The following GAB1 variants were observed in gnomAD, a reference collection of about 807,000 sequenced individuals.
GAB1 encodes GRB2 associated binding protein 1, also known as GRB2-associated-binding protein 1.
GAB1 carries 19 observed loss-of-function variants against 66.5 expected under a neutral mutation model. The observed-to-expected ratio is 0.29, with a 90% CI of 0.20 to 0.42. The LOEUF (loss-of-function observed/expected upper bound fraction) is 0.42. Ranked by LOEUF, GAB1 falls within the 10% of genes least tolerant of loss-of-function variation. The probability of loss-of-function intolerance (pLI) is 1.00; values close to 1 mark genes in which losing one functional copy is unlikely to be tolerated. For synonymous variants in GAB1, 294 were observed against 301.4 expected (o/e 0.98, Z 0.25); for missense variants, 732 against 858.5 (o/e 0.85, Z 1.84).
chr4:143,370,577 C>T (rs1378231346), intron 1 of GAB1, among the ~76,000 whole-genome samples: 1 of 151,892 alleles, frequency 6.6e-6, no homozygotes, highest in Non-Finnish European at 1.5e-5. Flanking sequence ...AATTAAAGTT[C>T]TAGGGTACAT....
chr4:143,384,817 G>A (rs1730825796), intron 1 of GAB1, among the ~76,000 whole-genome samples: 1 of 152,206 alleles, frequency 6.6e-6, no homozygotes, highest in South Asian at 2.1e-4. Flanking sequence ...GCTGTCTGAT[G>A]AAATCCACAT....
At chr4:143,408,529 C>T (rs375441813) in intron 1 of GAB1, among the ~76,000 whole-genome samples, 2 of 152,044 alleles carry the variant, frequency 1.3e-5, no homozygotes, top group Admixed American at 6.6e-5. Flanking sequence ...TGTACAATTC[C>T]GCACCTTGTT....
At chr4:143,341,848 AC>A (rs1295517068) in intron 1 of GAB1, among the ~76,000 whole-genome samples, 25 of 151,950 alleles carry the variant, frequency 1.6e-4, no homozygotes, top group African/African-American at 5.8e-4. Context: ...TAAGCATGAA[AC>A]CCCTGCTCAA....
chr4:143,370,784 T>C (rs1002400834), intron 1 of GAB1, among the ~76,000 whole-genome samples: 1 of 152,130 alleles, frequency 6.6e-6, no homozygotes, highest in African/African-American at 2.4e-5. Context: ...CACCTATGAG[T>C]GAGAACATGC....
chr4:143,444,991 G>A (rs1433755232), intron 6 of GAB1, among the ~76,000 whole-genome samples: 1 of 152,146 alleles, frequency 6.6e-6, no homozygotes, highest in Non-Finnish European at 1.5e-5. Flanking sequence ...CCAGTCCACT[G>A]TTGATGGGCA....
chr4:143,373,538 C>A (rs1348256924), intron 1 of GAB1, among the ~76,000 whole-genome samples: 1 of 152,042 alleles, frequency 6.6e-6, no homozygotes, highest in African/African-American at 2.4e-5. Context: ...TAACAAAAAA[C>A]ATACTAGAAG....
intron 2 of GAB1, among the ~76,000 whole-genome samples, chr4:143,427,728 G>A (rs1435262219): frequency 6.6e-6 from 1 of 152,176 alleles, no homozygotes; most frequent in East Asian, 1.9e-4. Flanking sequence ...TATCAGCAAA[G>A]GGAGGACAGA....
intron 1 of GAB1, among the ~76,000 whole-genome samples, chr4:143,370,926 A>G (rs893983346): frequency 5.9e-5 from 9 of 152,060 alleles, no homozygotes; most frequent in African/African-American, 2.2e-4. Context: ...TATGTGCCAC[A>G]TTTTCTTAAT....
chr4:143,446,935 G>T (rs1295497209), intron 6 of GAB1, among the ~76,000 whole-genome samples: 1 of 151,372 alleles, frequency 6.6e-6, no homozygotes, highest in Admixed American at 6.6e-5. Context: ...TAGGTCTAAC[G>T]TTTAAGTCTT....
intron 1 of GAB1, chr4:143,394,773 A>G (rs555974187): frequency 1.3e-5 from 2 of 152,282 alleles, no homozygotes; most frequent in African/African-American, 4.8e-5. Flanking sequence ...AAAAAATTTA[A>G]TGAAGTGTAA....
chr4:143,422,536 C>CT (rs778770083), intron 2 of GAB1, among the ~76,000 whole-genome samples: 49 of 152,070 alleles, frequency 3.2e-4, no homozygotes, highest in Non-Finnish European at 6.9e-4. Flanking sequence ...GAATTGTTTC[C>CT]TAGGGCTTCA....
chr4:143,436,628 C>T (rs1733956481), intron 3 of GAB1, among the ~76,000 whole-genome samples: 2 of 151,946 alleles, frequency 1.3e-5, no homozygotes, highest in Non-Finnish European at 2.9e-5. Flanking sequence ...TCGGTGCCTG[C>T]GTGACTGGAA....
intron 1 of GAB1, among the ~76,000 whole-genome samples, chr4:143,375,534 G>A (rs1002287209): frequency 1.3e-5 from 2 of 152,206 alleles, no homozygotes; most frequent in Non-Finnish European, 2.9e-5. Flanking sequence ...TGATCATGCA[G>A]TAGGTGTGGA....
At chr4:143,437,929 A>T in intron 3 of GAB1, 70 bp from the exon 4 acceptor site, 1 of 1,431,790 alleles carries the variant, frequency 7.0e-7, no homozygotes, top group Non-Finnish European at 9.5e-7. Flanking sequence ...GCTTAGCGAT[A>T]AACATGTTTA....
intron 2 of GAB1, among the ~76,000 whole-genome samples, chr4:143,428,855 G>C (rs1469356076): frequency 4.5e-5 from 5 of 110,032 alleles, no homozygotes; most frequent in Non-Finnish European, 7.0e-5. Context: ...TTGTGGGGTG[G>C]GGGGAGGGGG....
Position 143,364,764 on chromosome 4 carries a change from C to A in GAB1, c.72+27504C>A, listed in dbSNP as rs141888507. 2.4e-3 allele frequency among the ~76,000 whole-genome samples: 371 copies of A among 152,016 alleles called. 2 individuals are homozygous for A. Among genetic ancestry groups the A allele is most frequent in the African/African-American group, 8.7e-3 (360 of 41,434 alleles). ...GTGTTTGCTTGTTCACTCCCCGCGT[C>A]CCACATCAATGCCAGTCAACTCTGG... On this transcript the variant is annotated intron_variant, in intron 1 of 9. Coordinates refer to ENST00000262994, the MANE Select transcript of GAB1 (RefSeq NM_002039.4).
At chr4:143,456,238 A>G (rs968210771) in intron 6 of GAB1, among the ~76,000 whole-genome samples, 1 of 152,184 alleles carries the variant, frequency 6.6e-6, no homozygotes, top group Non-Finnish European at 1.5e-5. Context: ...CGGGTGGATC[A>G]CAAGGTCAGG....
intron 2 of GAB1, among the ~76,000 whole-genome samples, chr4:143,429,983 G>A (rs1392676136): frequency 2.0e-5 from 3 of 152,228 alleles, no homozygotes; most frequent in Non-Finnish European, 4.4e-5. Flanking sequence ...AAGATCAGCA[G>A]TGTTCCAAGC....
Position 143,337,114 on chromosome 4 carries a change from GGCA to G in GAB1, c.-73_-71del. The G allele has an allele frequency of 1.9e-5, 25 of 1,349,074 alleles. No individual in the cohort carries two copies. The South Asian group carries it at 3.3e-4, about 18-fold the overall frequency. The allele number at this position is 1,349,074 out of a possible 1,614,324, so 83.6% of individuals were successfully genotyped here. ...GCTAGGTTCTCGCCACTGCGCGCTC[GGCA>G]GGCGTCGGCTGTGTCGGGAGCGCGC... On this transcript the variant is annotated 5_prime_UTR_variant, in exon 1 of 10. Coordinates refer to ENST00000262994, the MANE Select transcript of GAB1 (RefSeq NM_002039.4).
Sources: gnomAD v4.1 joint callset for allele counts (sites outside exome capture counted in the v4.1 genomes callset) on GRCh38, gnomAD v4.1.1 for gene constraint, MANE v1.5 for transcripts, NCBI Gene and HGNC (gene_info 2026-07-23, HGNC 2026-07-21) for gene names.